The following XCR1 variants were observed in gnomAD, a reference collection of about 807,000 sequenced individuals.
The protein encoded by XCR1 is chemokine XC receptor 1.
For synonymous variants in XCR1, 187 were observed against 188.5 expected, an observed-to-expected ratio of 0.99 and a Z score of 0.06; for missense variants, 356 against 424.2, an observed-to-expected ratio of 0.84 and a Z score of 1.41.
At chr3:46,065,107 T>TA (rs755049914) in intron 4 of XCR1, among the ~76,000 whole-genome samples, 52 of 147,286 alleles carry the variant, frequency 3.5e-4, no homozygotes, top group East Asian at 1.4e-3. Context: ...AATAAAGAAA[T>TA]AAAAAAAAAG....
intron 5 of XCR1, among the ~76,000 whole-genome samples, chr3:46,053,741 T>A (rs960136542): frequency 6.6e-6 from 1 of 152,018 alleles, no homozygotes; most frequent in Non-Finnish European, 1.5e-5. Context: ...TCCCATAGCA[T>A]CTTAGTTAAT....
chr3:46,063,554 C>T (rs944319205), intron 4 of XCR1, among the ~76,000 whole-genome samples: 1 of 152,160 alleles, frequency 6.6e-6, no homozygotes, highest in Admixed American at 6.5e-5. Context: ...TCATACACAT[C>T]AGTCCTCAGA....
In XCR1 at chr3:46,034,136, C is replaced by T. The variant is rs145968764; in HGVS notation, c.-31-12158G>A. 3.6e-3 allele frequency among the ~76,000 whole-genome samples: 545 copies of T among 152,186 alleles called. 3 individuals are homozygous for T. The highest frequency in any genetic ancestry group is 0.012 in the African/African-American group (502 of 41,506). Reference sequence around the variant, plus strand: ...TACAGGTGCCTGCCCTCATGCCCAGCTAATTTTTTGTATTTTTAGTAGACG... The same window carrying T: ...TACAGGTGCCTGCCCTCATGCCCAGTTAATTTTTTGTATTTTTAGTAGACG... On this transcript the variant is annotated intron_variant, in intron 5 of 5. Transcript: ENST00000683768.
At chr3:46,073,377 T>C (rs1328864989) in intron 3 of XCR1, among the ~76,000 whole-genome samples, 7 of 152,144 alleles carry the variant, frequency 4.6e-5, no homozygotes, top group African/African-American at 1.7e-4. Context: ...GGCAGATCAC[T>C]TGAGGCCTGG....
At chr3:46,035,170 G>T (rs1697401990) in intron 5 of XCR1, among the ~76,000 whole-genome samples, 1 of 152,100 alleles carries the variant, frequency 6.6e-6, no homozygotes, top group Non-Finnish European at 1.5e-5. Context: ...GGTCAGGCTG[G>T]TCTCAAACTC....
In XCR1 at chr3:46,085,661, C is replaced by A. The variant is rs576126605; in HGVS notation, c.-515+133G>T. On this transcript the variant is annotated intron_variant, in intron 1 of 5. Coordinates refer to the XCR1 transcript ENST00000683768. ...ACTGATCTGCCTGTGCACTGTTCCC[C>A]AATACTCCCACTCACTTCCATGTCT... 1.9e-3 allele frequency among the ~76,000 whole-genome samples: 295 copies of A among 152,314 alleles called. 1 individual carries two copies. Among genetic ancestry groups the A allele is most frequent in the African/African-American group, 6.9e-3 (287 of 41,566 alleles).
chr3:46,023,857 G>C (rs1409882446), intron 1 of XCR1: 1 of 1,528,096 alleles, frequency 6.5e-7, no homozygotes, highest in Non-Finnish European at 9.1e-7. Flanking sequence ...CCTTGTGGCT[G>C]AGAATGAAAG....
intron 5 of XCR1, among the ~76,000 whole-genome samples, chr3:46,033,208 A>G (rs1333856341): frequency 1.3e-5 from 2 of 152,172 alleles, no homozygotes. Context: ...CCTAGGTATC[A>G]GAAAAAGAAG....
chr3:46,022,058 G>GA, intron 1 of XCR1, 80 bp from the exon 2 acceptor site: 1 of 1,287,818 alleles, frequency 7.8e-7, no homozygotes, highest in African/African-American at 1.5e-5. Flanking sequence ...TAGCACTTTG[G>GA]AAAGGCCAAA....
rs1708133663 is a variant in XCR1, at chr3:46,021,095, C to T, written c.853G>A (p.Val285Met). The T allele has an allele frequency of 6.2e-7, 1 of 1,614,206 alleles. No individual in the cohort carries two copies. Residue 285 changes from valine to methionine, a missense_variant, in exon 2 of 2, where the codon GTG (valine) becomes ATG (methionine). Val to Met is a conservative substitution (Grantham distance 21, BLOSUM62 1). Coordinates refer to ENST00000309285, the MANE Select transcript of XCR1 (RefSeq NM_001024644.2). This position sits in a 1 kb window ranked among gnomAD's most constrained non-coding sequence, Gnocchi z 4.7. ...TTGACCCCCACGAAGACATAGAGCA[C>T]CGGGTTAAAGCAGCAGTGGGAGAAG... Reference protein sequence around the residue: ...LAFSHCCFNPVLYVFVGVKFR... With the variant: ...LAFSHCCFNPMLYVFVGVKFR...
chr3:46,025,562 C>T (rs1161312830), intron 1 of XCR1, among the ~76,000 whole-genome samples: 1 of 151,972 alleles, frequency 6.6e-6, no homozygotes, highest in Non-Finnish European at 1.5e-5. Context: ...TTAAAAAATC[C>T]AACAACTTAA....
intron 5 of XCR1, among the ~76,000 whole-genome samples, chr3:46,035,774 C>T (rs1338963883): frequency 1.3e-5 from 2 of 152,128 alleles, no homozygotes; most frequent in Non-Finnish European, 2.9e-5. Flanking sequence ...GCAGGTTGAA[C>T]AAGCCCAACT....
At chr3:46,075,158 C>A (rs781348889) in intron 2 of XCR1, among the ~76,000 whole-genome samples, 1 of 151,662 alleles carries the variant, frequency 6.6e-6, no homozygotes, top group Admixed American at 6.6e-5. Context: ...GGGACAGACA[C>A]AAAGATTAAT....
intron 5 of XCR1, among the ~76,000 whole-genome samples, chr3:46,032,614 A>T (rs1019728329): frequency 6.6e-6 from 1 of 152,218 alleles, no homozygotes; most frequent in African/African-American, 2.4e-5. Context: ...CAAAGGCACC[A>T]CTGGCCACAG....
At chr3:46,062,893 A>T (rs932934261) in intron 4 of XCR1, among the ~76,000 whole-genome samples, 1 of 152,246 alleles carries the variant, frequency 6.6e-6, no homozygotes, top group African/African-American at 2.4e-5. Context: ...GGGCAGAAGT[A>T]TGCAGGAGCT....
At chr3:46,024,140 G>A in intron 1 of XCR1, 1 of 620,276 alleles carries the variant, frequency 1.6e-6, no homozygotes, top group East Asian at 2.9e-5. Context: ...ATTCTGAAAG[G>A]ATTTATGAAT....
At chr3:46,023,194 C>T (rs1349078626) in intron 1 of XCR1, 4 of 468,872 alleles carry the variant, frequency 8.5e-6, no homozygotes, top group Non-Finnish European at 1.5e-5. Flanking sequence ...GAGATTGTTG[C>T]TCCCTCTGCG....
intron 5 of XCR1, among the ~76,000 whole-genome samples, chr3:46,035,483 C>T (rs78303392): frequency 0.018 from 2,722 of 152,272 alleles, 38 homozygotes; most frequent in Middle Eastern, 0.065. Flanking sequence ...TTTTGGTTCC[C>T]TAACCAGCAA....
chr3:46,022,350 T>G, intron 1 of XCR1: 1 of 165,238 alleles, frequency 6.1e-6, no homozygotes, highest in African/African-American at 2.4e-5. Context: ...TCTTAGTTAA[T>G]TCTCTCCTGG....
Sources: gnomAD v4.1 joint callset for allele counts (sites outside exome capture counted in the v4.1 genomes callset) on GRCh38, gnomAD v4.1.1 for gene constraint, Gnocchi (gnomAD v3.1) non-coding constraint, MANE v1.5 for transcripts, NCBI Gene and HGNC (gene_info 2026-07-23, HGNC 2026-07-21) for gene names.